Variants in SCAPER observed in about 807,000 individuals in gnomAD.
SCAPER encodes the protein S-phase cyclin A associated protein in the ER, also known as S phase cyclin A-associated protein in the endoplasmic reticulum.
SCAPER carries 98 observed loss-of-function variants against 182.2 expected under a neutral mutation model. The observed-to-expected ratio is 0.54, with a 90% CI of 0.46 to 0.64. The LOEUF (loss-of-function observed/expected upper bound fraction) is 0.64. SCAPER is among the 30% of genes least tolerant of loss of function. The pLI is 0.00. For missense variants in SCAPER, 1,432 were observed against 1,690.0 expected (o/e 0.85, Z 2.68); for synonymous variants, 605 against 564.6 (o/e 1.07, Z -1.01).
chr15:76,541,092 C>A (rs1396003960), intron 23 of SCAPER, among the ~76,000 whole-genome samples: 1 of 151,522 alleles, frequency 6.6e-6, no homozygotes, highest in Non-Finnish European at 1.5e-5. Context: ...TGCATTCCAG[C>A]CTGAATGACA....
In SCAPER at chr15:76,724,770, G is replaced by C. The variant is rs561911075; in HGVS notation, c.2165+3825C>G. ...CGTAGTTCTCGTGCCATGGTTTTCA[G>C]CTCTATCAGGTCCTTTAAGGACTTC... On this transcript the variant is annotated intron_variant, in intron 17 of 31. Transcript: ENST00000563290. Among the ~76,000 whole-genome samples the C allele has an allele frequency of 2.0e-5, 3 of 152,194 alleles. No individual in the cohort carries two copies. In the East Asian group the frequency reaches 5.8e-4, roughly 29 times the overall value.
At chr15:76,710,150 G>C (rs1338136449) in intron 17 of SCAPER, among the ~76,000 whole-genome samples, 1 of 152,070 alleles carries the variant, frequency 6.6e-6, no homozygotes, top group African/African-American at 2.4e-5. Context: ...TACATAGAAG[G>C]AGCAATCCAG....
chr15:76,851,373 C>G (rs774757722), intron 4 of SCAPER, among the ~76,000 whole-genome samples: 1 of 152,052 alleles, frequency 6.6e-6, no homozygotes, highest in Non-Finnish European at 1.5e-5. Flanking sequence ...GATCAACCCC[C>G]AAGACATGTA....
chr15:76,721,835 A>G (rs1188073800), intron 17 of SCAPER, among the ~76,000 whole-genome samples: 14 of 152,126 alleles, frequency 9.2e-5, no homozygotes, highest in Non-Finnish European at 2.1e-4. Context: ...GGCTGAGACG[A>G]TGGGGTTTTC....
chr15:76,685,749 T>C (rs1241472127), intron 20 of SCAPER, among the ~76,000 whole-genome samples: 1 of 151,974 alleles, frequency 6.6e-6, no homozygotes, highest in South Asian at 2.1e-4. Flanking sequence ...ACAAAAAAGA[T>C]CTTGTTCTCC....
chr15:76,831,604 G>A (rs760939960), intron 5 of SCAPER, among the ~76,000 whole-genome samples: 7 of 148,688 alleles, frequency 4.7e-5, no homozygotes, highest in African/African-American at 7.5e-5. Flanking sequence ...CTACTGGTGC[G>A]CAATCACCTG....
intron 29 of SCAPER, among the ~76,000 whole-genome samples, chr15:76,367,807 C>T (rs923716355): frequency 6.6e-6 from 1 of 152,166 alleles, no homozygotes; most frequent in Non-Finnish European, 1.5e-5. Context: ...AAATTGCTAA[C>T]TGGCAAATTT....
intron 5 of SCAPER, among the ~76,000 whole-genome samples, chr15:76,824,218 G>A (rs1568259510): frequency 6.6e-6 from 1 of 152,270 alleles, no homozygotes; most frequent in Non-Finnish European, 1.5e-5. Context: ...GGCTCTGAAA[G>A]TAATGTTATA....
intron 24 of SCAPER, among the ~76,000 whole-genome samples, chr15:76,493,644 G>A (rs763659129): frequency 1.3e-5 from 2 of 152,168 alleles, no homozygotes; most frequent in Non-Finnish European, 2.9e-5. Flanking sequence ...ATAACAAGAC[G>A]ACTATGATTA....
chr15:76,371,307 TTCTC>T (rs768693574), intron 29 of SCAPER, among the ~76,000 whole-genome samples: 123 of 151,586 alleles, frequency 8.1e-4, no homozygotes, highest in Middle Eastern at 3.4e-3. Context: ...CTTATAATAT[TTCTC>T]TCTCTCTCTT....
chr15:76,491,222 G>C (rs1315753003), intron 24 of SCAPER, among the ~76,000 whole-genome samples: 1 of 151,934 alleles, frequency 6.6e-6, no homozygotes, highest in Non-Finnish European at 1.5e-5. Context: ...CTGTATCTTC[G>C]CATATTTTGA....
chr15:76,521,390 A>AG (rs1943641732), intron 23 of SCAPER, among the ~76,000 whole-genome samples: 1 of 8,724 alleles, frequency 1.1e-4, no homozygotes, highest in Admixed American at 2.9e-3. Context: ...ATCTAAGGTC[A>AG]GAAAAAAAAA....
At chr15:76,760,551 A>C (rs1010687859) in intron 14 of SCAPER, among the ~76,000 whole-genome samples, 1 of 152,124 alleles carries the variant, frequency 6.6e-6, no homozygotes, top group Admixed American at 6.6e-5. Flanking sequence ...GATCTATTAA[A>C]TCACTGGCTT....
At chr15:76,618,379 T>C (rs1477110528) in intron 22 of SCAPER, among the ~76,000 whole-genome samples, 1 of 152,232 alleles carries the variant, frequency 6.6e-6, no homozygotes, top group East Asian at 1.9e-4. Context: ...TCATATTCCT[T>C]CTTTCAAAAA....
intron 5 of SCAPER, among the ~76,000 whole-genome samples, chr15:76,824,781 A>G (rs752950716): frequency 1.3e-5 from 2 of 152,172 alleles, no homozygotes; most frequent in African/African-American, 2.4e-5. Flanking sequence ...AGAATACTTA[A>G]TATCTTCACC....
At chr15:76,624,670 G>C (rs1057303587) in intron 21 of SCAPER, among the ~76,000 whole-genome samples, 1 of 152,344 alleles carries the variant, frequency 6.6e-6, no homozygotes, top group Non-Finnish European at 1.5e-5. Context: ...TGTTAGTGAA[G>C]GTTCTGGTGA....
intron 20 of SCAPER, among the ~76,000 whole-genome samples, chr15:76,671,976 T>C (rs575062228): frequency 3.3e-5 from 5 of 152,174 alleles, no homozygotes; most frequent in East Asian, 1.9e-4. Context: ...GCGACTTCAA[T>C]AGGAGGTGAG....
intron 21 of SCAPER, among the ~76,000 whole-genome samples, chr15:76,638,142 T>G (rs2053798088): frequency 6.6e-6 from 1 of 152,148 alleles, no homozygotes; most frequent in Non-Finnish European, 1.5e-5. Context: ...ATAATCTTAA[T>G]TTTGATTTAA....
chr15:76,795,268 G>A lies in SCAPER; in HGVS notation c.772+12C>T, dbSNP rs374673885. The A allele has an allele frequency of 6.2e-5, 100 of 1,600,132 alleles. No individual in the cohort carries two copies. Among genetic ancestry groups the A allele is most frequent in the African/African-American group, 1.1e-4 (8 of 74,314 alleles). On this transcript the variant is annotated intron_variant, in intron 8 of 31. Transcript: ENST00000563290. ...GTTTACTACACAAAATGGCTAATTC[G>A]AAGTCACTTGCCATTTTTGCGTGAG...
Sources: gnomAD v4.1 joint callset for allele counts (sites outside exome capture counted in the v4.1 genomes callset) on GRCh38, gnomAD v4.1.1 for gene constraint, MANE v1.5 for transcripts, NCBI Gene and HGNC (gene_info 2026-07-23, HGNC 2026-07-21) for gene names.